The following TRIM2 variants were observed in gnomAD, a reference collection of about 807,000 sequenced individuals.
TRIM2 encodes the protein tripartite motif-containing protein 2.
In TRIM2, 20 loss-of-function variants were observed where a neutral mutation model predicts 75.2. The ratio of observed to expected loss-of-function variants is 0.27; its 90% CI spans 0.19 to 0.39. The LOEUF (loss-of-function observed/expected upper bound fraction) is 0.39, where lower values mean the gene tolerates loss of function less well. Ranked by LOEUF, TRIM2 falls within the 10% of genes least tolerant of loss-of-function variation. The pLI, the probability that TRIM2 is intolerant of heterozygous loss-of-function variation, is 1.00. For missense variants in TRIM2, 660 were observed against 990.8 expected, an observed-to-expected ratio of 0.67 and a Z score of 4.48; for synonymous variants, 373 against 388.3, an observed-to-expected ratio of 0.96 and a Z score of 0.46.
chr4:153,222,760 G>A (rs1257822050), intron 1 of TRIM2: 2 of 152,318 alleles, frequency 1.3e-5, no homozygotes, highest in Non-Finnish European at 2.9e-5. Context: ...TCCTCCTCTG[G>A]TCTGTTTTTA....
intron 1 of TRIM2, among the ~76,000 whole-genome samples, chr4:153,195,441 A>T (rs1378643166): frequency 6.6e-6 from 1 of 152,130 alleles, no homozygotes; most frequent in Non-Finnish European, 1.5e-5. Context: ...ATCTGAGCAT[A>T]GGAGGTTGAG....
intron 1 of TRIM2, among the ~76,000 whole-genome samples, chr4:153,211,757 G>A (rs116633914): frequency 0.012 from 1,867 of 151,934 alleles, 36 homozygotes; most frequent in African/African-American, 0.042. Flanking sequence ...CCCAAAGTGC[G>A]GGATTACAGG....
chr4:153,177,707 C>CTCCTTCCT (rs60499669), intron 1 of TRIM2, among the ~76,000 whole-genome samples: 29,461 of 133,742 alleles, frequency 0.22, 3,630 homozygotes, highest in East Asian at 0.31. Context: ...TGGTGGCTCG[C>CTCCTTCCT]TCCTTCCTTC....
intron 8 of TRIM2, among the ~76,000 whole-genome samples, chr4:153,320,798 A>G (rs1768778357): frequency 6.6e-6 from 1 of 151,122 alleles, no homozygotes; most frequent in Non-Finnish European, 1.5e-5. Context: ...ACACCCAGCT[A>G]ATTTTTGTAT....
In TRIM2 at chr4:153,299,018, C is replaced by T. The variant is rs1157251579; in HGVS notation, c.1510+2982C>T. 3.3e-5 allele frequency among the ~76,000 whole-genome samples: 5 copies of T among 152,130 alleles called. No individual in the cohort carries two copies. In the South Asian group the frequency reaches 6.2e-4, roughly 19 times the overall value. ...CCTCCCAAAGTGCTGGGATTACCGG[C>T]GTGAGCCACCATGCCTAGCCATAAT... On this transcript the variant is annotated intron_variant, in intron 6 of 11. Coordinates refer to ENST00000338700, the MANE Select transcript of TRIM2 (RefSeq NM_015271.5).
chr4:153,172,186 A>G (rs1449726495), intron 1 of TRIM2, among the ~76,000 whole-genome samples: 1 of 143,076 alleles, frequency 7.0e-6, no homozygotes, highest in Non-Finnish European at 1.5e-5. Context: ...AGTGATTTTT[A>G]TTTTTATTTT....
intron 1 of TRIM2, among the ~76,000 whole-genome samples, chr4:153,241,620 C>T (rs1016627029): frequency 2.6e-5 from 4 of 152,088 alleles, no homozygotes; most frequent in African/African-American, 9.7e-5. Context: ...AGCAGAGAAC[C>T]CAGGGAGCAG....
At position 153,337,573 on chromosome 4, in the gene TRIM2, T is replaced by A; in HGVS notation, c.*2607T>A. The A allele has an allele frequency of 3.0e-6, 3 of 985,878 alleles. No homozygotes were observed. Among genetic ancestry groups the A allele is most frequent in the Non-Finnish European group, 3.6e-6 (3 of 829,948 alleles). The allele number at this position is 985,878 out of a possible 1,614,324, so 61.1% of individuals were successfully genotyped here. A position where few individuals can be genotyped will look rare whatever the true frequency, so the allele number is the denominator to read the frequency against. ...ATAACATTTCACACTTGGATACATA[T>A]GTGCATTTACTGTATTTCTTGGTAA... On this transcript the variant is annotated 3_prime_UTR_variant, in exon 12 of 12. Transcript: ENST00000338700.
intron 1 of TRIM2, among the ~76,000 whole-genome samples, chr4:153,262,990 C>T (rs762498686): frequency 6.6e-6 from 1 of 152,176 alleles, no homozygotes; most frequent in Non-Finnish European, 1.5e-5. Context: ...AAATATGTCA[C>T]TAATGTTTAC....
At chr4:153,241,395 G>T (rs888142868) in intron 1 of TRIM2, among the ~76,000 whole-genome samples, 4 of 152,218 alleles carry the variant, frequency 2.6e-5, no homozygotes, top group Admixed American at 6.5e-5. Flanking sequence ...GTTGGGGGAT[G>T]GTCCTGCCCC....
chr4:153,233,518 A>G (rs535080456), intron 1 of TRIM2, among the ~76,000 whole-genome samples: 2 of 152,326 alleles, frequency 1.3e-5, no homozygotes, highest in South Asian at 2.1e-4. Flanking sequence ...AGGACCAATT[A>G]TATCACCCCC....
At chr4:153,316,464 A>G (rs1023821020) in intron 8 of TRIM2, among the ~76,000 whole-genome samples, 1 of 152,210 alleles carries the variant, frequency 6.6e-6, no homozygotes, top group Non-Finnish European at 1.5e-5. Flanking sequence ...GTACAGGCCC[A>G]TTTTGGAAAA....
intron 8 of TRIM2, among the ~76,000 whole-genome samples, chr4:153,319,208 C>A (rs1015003080): frequency 6.6e-6 from 1 of 152,160 alleles, no homozygotes; most frequent in African/African-American, 2.4e-5. Context: ...CTTTTATTCA[C>A]CAATTTATTA....
chr4:153,276,485 A>G (rs1758056512), intron 3 of TRIM2, among the ~76,000 whole-genome samples: 1 of 152,224 alleles, frequency 6.6e-6, no homozygotes, highest in Non-Finnish European at 1.5e-5. Context: ...TAAAATGTTA[A>G]TTAGAGTTCT....
intron 3 of TRIM2, among the ~76,000 whole-genome samples, chr4:153,292,241 C>T (rs1761969766): frequency 6.6e-6 from 1 of 152,176 alleles, no homozygotes. Context: ...GGATACAAGT[C>T]TCCAGCCATC....
chr4:153,233,663 G>A lies in TRIM2; in HGVS notation c.30+29103G>A, dbSNP rs145305874. ...GAGGAAAGGGTTGAAGGAGTGAGGC[G>A]TGGAGGTGGTAGGGAGGCAGGTGGG... On this transcript the variant is annotated intron_variant, in intron 1 of 11. Transcript: ENST00000338700. Among the ~76,000 whole-genome samples, 251 of 152,258 alleles carry A rather than the reference G, an allele frequency of 1.6e-3. 1 individual carries two copies. Among genetic ancestry groups the A allele is most frequent in the South Asian group, 9.5e-3 (46 of 4,818 alleles).
chr4:153,281,471 G>A (rs1454602888), intron 3 of TRIM2, among the ~76,000 whole-genome samples: 1 of 152,248 alleles, frequency 6.6e-6, no homozygotes, highest in Admixed American at 6.5e-5. Flanking sequence ...ATAGATTGTA[G>A]AAGTTCACTG....
intron 6 of TRIM2, among the ~76,000 whole-genome samples, chr4:153,300,286 G>A (rs181706602): frequency 1.9e-3 from 288 of 151,886 alleles, no homozygotes; most frequent in African/African-American, 6.5e-3. Context: ...GTCTTGCTCT[G>A]TTTCCCCAGG....
rs1045971920 is a variant in TRIM2, at chr4:153,295,344, A to G, written c.818A>G (p.Gln273Arg). 5.6e-6 allele frequency: 9 copies of G among 1,610,576 alleles called. 1 individual carries two copies. In the Middle Eastern group the frequency reaches 5.0e-4, roughly 89 times the overall value. ...VLQSQLDTLL[Q>R]GQESIKSCSN... Reference sequence around the variant, plus strand: ...CAGTCGCAGCTGGATACTCTGCTCCAGGGGCAGGAGAGCATTAAGAGCTGC... The same window carrying G: ...CAGTCGCAGCTGGATACTCTGCTCCGGGGGCAGGAGAGCATTAAGAGCTGC... The change falls in exon 6 of 12, where the codon CAG becomes CGG. Residue 273 changes from glutamine (Q) to arginine (R), a missense_variant. Physicochemically the swap from Gln to Arg is conservative, Grantham distance 43 (BLOSUM62 1). Around this residue, in one of 2 missense-constraint regions of TRIM2, gnomAD observed 620 missense variants for 891.0 expected, o/e 0.70. Coordinates refer to ENST00000338700, the MANE Select transcript of TRIM2 (RefSeq NM_015271.5). This position sits in a 1 kb window ranked among gnomAD's most constrained non-coding sequence, Gnocchi z 7.2.
Sources: allele counts gnomAD v4.1 joint callset (sites outside exome capture counted in the v4.1 genomes callset), GRCh38; gene constraint gnomAD v4.1.1; regional missense constraint gnomAD v4.1.1; non-coding constraint Gnocchi (gnomAD v3.1); transcripts MANE v1.5; gene names NCBI Gene and HGNC (gene_info 2026-07-23, HGNC 2026-07-21).